VPS29: variants seen among roughly 807,000 people sequenced by gnomAD.
VPS29 encodes VPS29 retromer complex component.
A neutral mutation model predicts 20.0 loss-of-function variants in VPS29; 2 were observed. The observed-to-expected ratio is 0.10, with a 90% CI of 0.04 to 0.31. VPS29 has a LOEUF of 0.31. Among genes scored for constraint, VPS29 ranks in the 10% least tolerant of loss-of-function variants. The probability of loss-of-function intolerance (pLI) is 1.00; values close to 1 mark genes in which losing one functional copy is unlikely to be tolerated. For synonymous variants in VPS29, 81 were observed against 79.3 expected (o/e 1.02, Z -0.12); for missense variants, 120 against 215.3 (o/e 0.56, Z 2.77).
chr12:110,495,104 T>C (rs1299695886), intron 2 of VPS29, among the ~76,000 whole-genome samples: 1 of 152,190 alleles, frequency 6.6e-6, no homozygotes, highest in Non-Finnish European at 1.5e-5. Flanking sequence ...TCATGTATAA[T>C]ATGATGGGTT....
In VPS29 at chr12:110,491,753, A is replaced by C; in HGVS notation, c.*252T>G. The C allele has an allele frequency of 2.8e-6, 1 of 359,908 alleles. No individual in the cohort carries two copies. 22.3% of individuals were successfully genotyped at this position (359,908 alleles called of 1,614,324 possible). ...CAACTTTGAAGATACTTACAAGGAT[A>C]AATTTTTCTTAACAAGTGACCAATT... On this transcript the variant is annotated 3_prime_UTR_variant, in exon 4 of 4. Transcript: ENST00000549578.
At chr12:110,492,599 T>TTTTATTTATTTATTTA (rs58647450) in intron 3 of VPS29, among the ~76,000 whole-genome samples, 188 of 132,364 alleles carry the variant, frequency 1.4e-3, no homozygotes, top group African/African-American at 2.2e-3. Flanking sequence ...TTTATTTTTA[T>TTTTATTTATTTATTTA]TTTATTTATT....
At chr12:110,492,870 C>T in intron 3 of VPS29, 126 bp downstream of exon 3, 3 of 837,868 alleles carry the variant, frequency 3.6e-6, no homozygotes, top group South Asian at 3.6e-5. Context: ...GCAACCTGCC[C>T]TGGTCTCCCG....
At chr12:110,497,210 T>C (rs899100888) in intron 1 of VPS29, among the ~76,000 whole-genome samples, 2 of 97,750 alleles carry the variant, frequency 2.0e-5, no homozygotes, top group African/African-American at 1.1e-4. Context: ...TTTCTTTCTT[T>C]TTTTTTTTTT....
At chr12:110,496,730 G>A (rs1158379544) in intron 1 of VPS29, 2 of 152,230 alleles carry the variant, frequency 1.3e-5, no homozygotes, top group African/African-American at 4.8e-5. Context: ...TAAGGAAATT[G>A]TTAATAGACA....
At chr12:110,499,429 G>A in intron 1 of VPS29, 1 of 1,498,530 alleles carries the variant, frequency 6.7e-7, no homozygotes, top group Non-Finnish European at 9.0e-7. Context: ...TCAAAGCATG[G>A]GAATTCGGTT....
In VPS29 at chr12:110,491,817, G is replaced by GT; in HGVS notation, c.*187dup. On this transcript the variant is annotated 3_prime_UTR_variant, in exon 4 of 4. Coordinates refer to ENST00000549578, the MANE Select transcript of VPS29 (RefSeq NM_016226.5). Reference sequence around the variant, plus strand: ...CATTTTTTCATAGAATCCATATACTGTAAACTAAATATATTCTTATAGTTT... The same window carrying GT: ...CATTTTTTCATAGAATCCATATACTGTTAAACTAAATATATTCTTATAGTTT... 1 of 559,758 alleles carries GT rather than the reference G, an allele frequency of 1.8e-6. No homozygotes were observed. Among genetic ancestry groups the GT allele is most frequent in the South Asian group, 2.3e-5 (1 of 44,330 alleles). 34.7% of individuals were successfully genotyped at this position (559,758 alleles called of 1,614,324 possible).
chr12:110,494,203 A>G (rs976363267), intron 2 of VPS29, among the ~76,000 whole-genome samples: 2 of 152,060 alleles, frequency 1.3e-5, no homozygotes, highest in Admixed American at 1.3e-4. Flanking sequence ...ACACAAACCA[A>G]GATTAATTGA....
At chr12:110,500,052 T>C (rs534627540) in intron 1 of VPS29, among the ~76,000 whole-genome samples, 33 of 152,330 alleles carry the variant, frequency 2.2e-4, no homozygotes, top group Admixed American at 2.0e-3. Flanking sequence ...AGCTGGAAAA[T>C]TATGCTGCGG....
chr12:110,495,087 T>A (rs1351673153), intron 2 of VPS29, among the ~76,000 whole-genome samples: 1 of 152,200 alleles, frequency 6.6e-6, no homozygotes, highest in East Asian at 1.9e-4. Context: ...AGTAAAATCT[T>A]ACTTTTTCAT....
rs2062907295 is a variant in VPS29 at position 110,496,416 on chromosome 12, T to C, written c.4-213A>G. On this transcript the variant is annotated intron_variant, in intron 1 of 3. Transcript: ENST00000549578. ...ATCAGCTTTGGGATAGGTTTCATCATTGATTGTATCATGACAATTTAAACA... is the reference window on the plus strand; with the variant it reads ...ATCAGCTTTGGGATAGGTTTCATCACTGATTGTATCATGACAATTTAAACA... 16 of 436,724 alleles carry C rather than the reference T, an allele frequency of 3.7e-5. No individual in the cohort carries two copies. In the South Asian group the frequency reaches 7.4e-4, roughly 20 times the overall value. The allele number at this position is 436,724 out of a possible 1,614,324, so 27.1% of individuals were successfully genotyped here.
chr12:110,494,816 T>G (rs1227159482), intron 2 of VPS29, among the ~76,000 whole-genome samples: 2 of 151,852 alleles, frequency 1.3e-5, no homozygotes. Context: ...GCCTCCCAGG[T>G]TCACACCATT....
chr12:110,494,558 A>ACTCTTTACTTTTTTTC (rs1359099028), intron 2 of VPS29, among the ~76,000 whole-genome samples: 1 of 151,670 alleles, frequency 6.6e-6, no homozygotes, highest in African/African-American at 2.4e-5. Flanking sequence ...CCGGCCTAAA[A>ACTCTTTACTTTTTTTC]TAAAATTTTC....
At chr12:110,495,664 G>A (rs561079096) in intron 2 of VPS29, among the ~76,000 whole-genome samples, 5 of 152,156 alleles carry the variant, frequency 3.3e-5, no homozygotes, top group African/African-American at 7.2e-5. Context: ...CCAAGATCGT[G>A]CCACTGCATT....
At position 110,501,507 on chromosome 12, in the gene VPS29, A is replaced by G. The variant is rs976527195; in HGVS notation, c.3+542T>C. 10 of 1,535,318 alleles carry G rather than the reference A, an allele frequency of 6.5e-6. No individual in the cohort carries two copies. The Middle Eastern group carries it at 5.0e-4, about 77-fold the overall frequency. On this transcript the variant is annotated intron_variant, in intron 1 of 3. Coordinates refer to ENST00000549578, the MANE Select transcript of VPS29 (RefSeq NM_016226.5). ...CTCTGAGAGCACACCTGCTCATCTC[A>G]ATGGCAGCTAGATGTTATTTCAGGA...
chr12:110,500,896 C>T (rs768588279), intron 1 of VPS29, among the ~76,000 whole-genome samples: 4 of 152,036 alleles, frequency 2.6e-5, no homozygotes, highest in Non-Finnish European at 4.4e-5. Context: ...AATATGATTA[C>T]AGGCCGGGCG....
intron 3 of VPS29, among the ~76,000 whole-genome samples, chr12:110,492,617 T>A (rs1200056863): frequency 6.8e-6 from 1 of 147,900 alleles, no homozygotes; most frequent in Non-Finnish European, 1.5e-5. Flanking sequence ...ATTTATTTAT[T>A]TATTTATTTA....
At chr12:110,497,469 C>T (rs933048550) in intron 1 of VPS29, among the ~76,000 whole-genome samples, 11 of 151,422 alleles carry the variant, frequency 7.3e-5, no homozygotes, top group African/African-American at 2.4e-4. Context: ...CACCTGCCTC[C>T]GCCTCCCAAA....
At chr12:110,495,738 A>G (rs2062896233) in intron 2 of VPS29, among the ~76,000 whole-genome samples, 1 of 152,106 alleles carries the variant, frequency 6.6e-6, no homozygotes, top group Non-Finnish European at 1.5e-5. Context: ...AAAAAACTTT[A>G]TAAATTAAAC....
Sources: allele counts gnomAD v4.1 joint callset (sites outside exome capture counted in the v4.1 genomes callset), GRCh38; gene constraint gnomAD v4.1.1; transcripts MANE v1.5; gene names NCBI Gene and HGNC (gene_info 2026-07-23, HGNC 2026-07-21).